PFKFB1: variants seen among roughly 807,000 people sequenced by gnomAD.
The protein encoded by PFKFB1 is 6-phosphofructo-2-kinase/fructose-2,6-biphosphatase 1.
PFKFB1 carries 34 observed loss-of-function variants against 46.4 expected under a neutral mutation model. That is an observed-to-expected ratio of 0.73 (90% CI 0.56 to 0.98). PFKFB1 has a LOEUF of 0.98. Among genes scored for constraint, PFKFB1 ranks in the 50% least tolerant of loss-of-function variants. The pLI, the probability that PFKFB1 is intolerant of heterozygous loss-of-function variation, is 0.00. For synonymous variants in PFKFB1, 119 were observed against 133.8 expected, an observed-to-expected ratio of 0.89 and a Z score of 0.76; for missense variants, 393 against 376.3, an observed-to-expected ratio of 1.04 and a Z score of -0.37.
chrX:54,970,582 C>T (rs1354801173), intron 1 of PFKFB1, among the ~76,000 whole-genome samples: 7 of 65,637 alleles, frequency 1.1e-4, no homozygotes, highest in Admixed American at 8.2e-4. Flanking sequence ...TGAGAATATG[C>T]GGTGTTTGGT....
chrX:54,933,953 C>G, intron 12 of PFKFB1, 68 bp from the exon 13 acceptor site: 5 of 826,925 alleles, frequency 6.0e-6, no homozygotes, highest in Non-Finnish European at 9.0e-6. Flanking sequence ...TGAGGTATCA[C>G]CTCCCCTCCC....
At chrX:54,935,641 G>A (rs1933364464) in intron 11 of PFKFB1, among the ~76,000 whole-genome samples, 1 of 112,248 alleles carries the variant, frequency 8.9e-6, no homozygotes, top group Non-Finnish European at 1.9e-5. Context: ...CATGGTCTCA[G>A]CCAACTGAGG....
intron 10 of PFKFB1, among the ~76,000 whole-genome samples, chrX:54,939,118 C>A (rs1933516093): frequency 8.9e-6 from 1 of 111,907 alleles, no homozygotes; most frequent in South Asian, 3.8e-4. Context: ...TACATGGAAA[C>A]TGAACAACCT....
chrX:54,987,604 T>C (rs897258812), intron 1 of PFKFB1, among the ~76,000 whole-genome samples: 1 of 110,948 alleles, frequency 9.0e-6, no homozygotes, highest in Non-Finnish European at 1.9e-5. Context: ...TATATATGTA[T>C]ATATTATACT....
At chrX:54,973,807 G>A (rs1036298112) in intron 1 of PFKFB1, among the ~76,000 whole-genome samples, 14 of 111,428 alleles carry the variant, frequency 1.3e-4, no homozygotes, top group Non-Finnish European at 2.5e-4. Context: ...TGGAAAAAAT[G>A]TATATTCTGT....
chrX:54,940,499 T>C (rs1484135134), intron 10 of PFKFB1, among the ~76,000 whole-genome samples: 2 of 111,831 alleles, frequency 1.8e-5, no homozygotes, highest in Non-Finnish European at 3.8e-5. Context: ...AACCCCATCG[T>C]CTCAGCGCAA....
At chrX:54,974,625 C>T (rs1334969759) in intron 1 of PFKFB1, among the ~76,000 whole-genome samples, 4 of 111,858 alleles carry the variant, frequency 3.6e-5, no homozygotes, top group Admixed American at 2.9e-4. Context: ...AACTAAAATG[C>T]TTCTGTGCAG....
At chrX:54,956,705 C>T (rs1033706670) in intron 6 of PFKFB1, among the ~76,000 whole-genome samples, 37 of 110,316 alleles carry the variant, frequency 3.4e-4, no homozygotes, top group Non-Finnish European at 6.8e-4. Context: ...CCACCAATAC[C>T]CACGTCTCCT....
At chrX:54,992,337 T>C (rs1313623534) in intron 1 of PFKFB1, among the ~76,000 whole-genome samples, 1 of 112,293 alleles carries the variant, frequency 8.9e-6, no homozygotes, top group East Asian at 2.8e-4. Context: ...CTGGACACTC[T>C]TCTAAGCACA....
intron 1 of PFKFB1, among the ~76,000 whole-genome samples, chrX:54,991,654 T>C (rs776104177): frequency 7.3e-5 from 8 of 109,654 alleles, no homozygotes; most frequent in African/African-American, 2.7e-4. Context: ...AGACACTCCA[T>C]AAGAAGGACA....
At chrX:54,994,202 C>A, upstream of PFKFB1, 5 of 1,054,851 alleles carry the variant, frequency 4.7e-6, no homozygotes, top group South Asian at 1.2e-4. Context: ...CCTAGCCTGC[C>A]TCTGCTCCTG....
At chrX:54,976,906 T>G (rs969506292) in intron 1 of PFKFB1, among the ~76,000 whole-genome samples, 5 of 110,877 alleles carry the variant, frequency 4.5e-5, no homozygotes, top group African/African-American at 1.6e-4. Flanking sequence ...GTGATATAAT[T>G]CCATTTATAT....
In PFKFB1 at chrX:54,960,922, AAGC is replaced by A. The variant is rs775148267; in HGVS notation, c.224-8_224-6del. On this transcript the variant is annotated splice_region_variant and splice_polypyrimidine_tract_variant and intron_variant, in intron 2 of 13. Transcript: ENST00000375006. ...GATACTGGCCTAAATTAAACACTGA[AAGC>A]AGGGAGTGCCAGTGAAGAGGTTGGG... is the stretch of plus-strand genomic sequence containing the variant. 1.8e-6 allele frequency: 2 copies of A among 1,141,943 alleles called. No homozygotes were observed. The highest frequency in any genetic ancestry group is 3.6e-5 in the South Asian group (2 of 54,984). 94.1% of individuals were successfully genotyped at this position (1,141,943 alleles called of 1,213,427 possible).
At chrX:54,992,557 A>G (rs753006848) in intron 1 of PFKFB1, among the ~76,000 whole-genome samples, 1 of 112,092 alleles carries the variant, frequency 8.9e-6, no homozygotes, top group Non-Finnish European at 1.9e-5. Flanking sequence ...GCAGGCATTA[A>G]TCCTGTTTTA....
At chrX:54,936,156 G>C (rs1446139804) in intron 11 of PFKFB1, among the ~76,000 whole-genome samples, 1 of 111,262 alleles carries the variant, frequency 9.0e-6, no homozygotes, top group African/African-American at 3.3e-5. Context: ...GAGAAGGGAA[G>C]TGACTTGCCT....
In PFKFB1 at chrX:54,951,914, G is replaced by T. The variant is rs749925058; in HGVS notation, c.837C>A (p.Arg279=). The change falls in exon 8 of 14, where the codon CGC becomes CGA. Residue 279 remains arginine, a synonymous_variant. Coordinates refer to ENST00000375006, the MANE Select transcript of PFKFB1 (RefSeq NM_002625.4). The part of the protein sequence containing the change: ...RIGGDSGLSV[R]GKQYAYALAN... ...GTGTGGCCCACCCTACCTGCTTGCC[G>T]CGAACTGAGAGGCCAGAGTCACCTC... 8 of 1,195,439 alleles carry T rather than the reference G, an allele frequency of 6.7e-6. No homozygotes were observed. The South Asian group carries it at 1.5e-4, about 22-fold the overall frequency.
In PFKFB1 at chrX:54,952,122, A is replaced by AC. The variant is rs1569546818; in HGVS notation, c.639-11dup. On this transcript the variant is annotated splice_polypyrimidine_tract_variant and intron_variant, in intron 7 of 13. Coordinates refer to ENST00000375006, the MANE Select transcript of PFKFB1 (RefSeq NM_002625.4). ...GATGTAGGACAGGTGGCTGGGCCAG[A>AC]CCCAAGCAGGAGCAAGGGCAGCTCA... 1 of 1,199,820 alleles carries AC rather than the reference A, an allele frequency of 8.3e-7. No individual in the cohort carries two copies. Among genetic ancestry groups the AC allele is most frequent in the Non-Finnish European group, 1.1e-6 (1 of 885,961 alleles).
intron 1 of PFKFB1, among the ~76,000 whole-genome samples, chrX:54,964,625 G>C (rs1934422726): frequency 4.5e-5 from 5 of 111,566 alleles, no homozygotes; most frequent in African/African-American, 1.6e-4. Flanking sequence ...TGGGCTTCTA[G>C]TGAACCCATC....
At chrX:54,985,557 T>C (rs1438423269) in intron 1 of PFKFB1, among the ~76,000 whole-genome samples, 3 of 110,325 alleles carry the variant, frequency 2.7e-5, no homozygotes, top group South Asian at 3.8e-4. Flanking sequence ...AAGAGTTATA[T>C]AGAAATAAGG....
Sources: allele counts gnomAD v4.1 joint callset (sites outside exome capture counted in the v4.1 genomes callset), GRCh38; gene constraint gnomAD v4.1.1; transcripts MANE v1.5; gene names NCBI Gene and HGNC (gene_info 2026-07-23, HGNC 2026-07-21).